SMG5: variants seen among roughly 807,000 people sequenced by gnomAD.
SMG5 encodes the protein nonsense-mediated mRNA decay factor SMG5.
In SMG5, 53 loss-of-function variants were observed where a neutral mutation model predicts 122.9. The observed-to-expected ratio is 0.43, with a 90% CI of 0.35 to 0.54. SMG5 has a LOEUF of 0.54. SMG5 is among the 20% of genes least tolerant of loss of function. The pLI is 0.01. For synonymous variants in SMG5, 477 were observed against 490.2 expected, an observed-to-expected ratio of 0.97 and a Z score of 0.35; for missense variants, 1,153 against 1,285.6, an observed-to-expected ratio of 0.90 and a Z score of 1.58.
intron 7 of SMG5, 30 bp downstream of exon 7, chr1:156,272,290 G>C: frequency 6.4e-7 from 1 of 1,565,638 alleles, no homozygotes; most frequent in Non-Finnish European, 8.7e-7. Context: ...CACAAAAGCA[G>C]GGCTGGAAAA....
At chr1:156,255,326 G>A (rs1333854433) in intron 16 of SMG5, among the ~76,000 whole-genome samples, 2 of 150,596 alleles carry the variant, frequency 1.3e-5, no homozygotes, top group Non-Finnish European at 3.0e-5. Flanking sequence ...AGATCACGAG[G>A]TCAGGAGTTC....
chr1:156,261,190 A>G, intron 14 of SMG5, 143 bp downstream of exon 14: 1 of 783,860 alleles, frequency 1.3e-6, no homozygotes, highest in Non-Finnish European at 2.2e-6. Flanking sequence ...TAGACCACAC[A>G]ATGACTGCTG....
rs116449741 is a variant in SMG5, at chr1:156,253,769, G to A, written c.2443-261C>T. The A allele has an allele frequency of 3.0e-3, 1,536 of 517,636 alleles. 19 individuals are homozygous for A. Among genetic ancestry groups the A allele is most frequent in the African/African-American group, 0.024 (1,264 of 52,242 alleles). The allele number at this position is 517,636 out of a possible 1,614,324, so 32.1% of individuals were successfully genotyped here. A position where few individuals can be genotyped will look rare whatever the true frequency, so the allele number is the denominator to read the frequency against. ...GAGGGGAAGCAGACAGCCATGTGCC[G>A]TCACCATGCAGGACATCACCTGGCT... On this transcript the variant is annotated intron_variant, in intron 16 of 21. Transcript: ENST00000361813.
rs148867528 is a variant in SMG5, at chr1:156,267,534, C to T, written c.1053G>A (p.Pro351=). The T allele has an allele frequency of 1.7e-4, 278 of 1,613,916 alleles. No homozygotes were observed. The highest frequency in any genetic ancestry group is 2.3e-4 in the Non-Finnish European group (267 of 1,180,010). ...EEYESGYAFL[P]DLLIFQMVII... is the part of the protein sequence containing the mutation. ...TGACCATTTGAAAGATGAGAAGGTC[C>T]GGGAGGAAAGCATATCCACTCTCAT... The change falls in exon 10 of 22, where the codon CCG becomes CCA. Residue 351 remains proline, a synonymous_variant. Coordinates refer to ENST00000361813, the MANE Select transcript of SMG5 (RefSeq NM_015327.3).
intron 16 of SMG5, among the ~76,000 whole-genome samples, chr1:156,254,294 G>T (rs1290899137): frequency 1.3e-5 from 2 of 152,120 alleles, no homozygotes; most frequent in Admixed American, 6.6e-5. Context: ...ACCATCTGAT[G>T]CCCATTATAG....
chr1:156,252,837 G>A (rs1348164731), intron 18 of SMG5, 82 bp downstream of exon 18: 1 of 1,397,368 alleles, frequency 7.2e-7, no homozygotes, highest in African/African-American at 1.5e-5. Flanking sequence ...ATATAAACTG[G>A]GCCCCAAATA....
rs1169158569 is a variant in SMG5, at chr1:156,261,393, A to G, written c.2047T>C (p.Trp683Arg). The change falls in exon 14 of 22, where the codon TGG becomes CGG. Residue 683 changes from tryptophan (W) to arginine (R), a missense_variant. Trp to Arg is a moderately radical substitution (Grantham distance 101). Around this residue, in one of 5 missense-constraint regions of SMG5, gnomAD observed 631 missense variants for 650.6 expected, o/e 0.97. Transcript: ENST00000361813. The part of the protein sequence containing the change: ...IVCAQSSQSL[W>R]NRLSVLLNLL... ...TTCAGCAACACAGACAGGCGGTTCCACAGACTTTGAGAGCTCTGGGGAGAG... is the reference window on the plus strand; with the variant it reads ...TTCAGCAACACAGACAGGCGGTTCCGCAGACTTTGAGAGCTCTGGGGAGAG... The G allele has an allele frequency of 6.2e-7, 1 of 1,614,016 alleles. No homozygotes were observed. The highest frequency in any genetic ancestry group is 8.5e-7 in the Non-Finnish European group (1 of 1,180,014).
chr1:156,253,516 G>A lies in SMG5; in HGVS notation c.2443-8C>T. 7 of 1,613,946 alleles carry A rather than the reference G, an allele frequency of 4.3e-6. No homozygotes were observed. Among genetic ancestry groups the A allele is most frequent in the Non-Finnish European group, 5.9e-6 (7 of 1,179,912 alleles). On this transcript the variant is annotated splice_polypyrimidine_tract_variant and splice_region_variant and intron_variant, in intron 16 of 21. Coordinates refer to ENST00000361813, the MANE Select transcript of SMG5 (RefSeq NM_015327.3). ...ACGAGCTTCCTCCTGTGCCTATGAG[G>A]GAAAAAATGAGCTGTAAGGAGTTGG...
chr1:156,274,513 T>C (rs756919143), intron 5 of SMG5, 84 bp downstream of exon 5: 21 of 1,230,848 alleles, frequency 1.7e-5, no homozygotes, highest in Admixed American at 1.4e-4. Flanking sequence ...TCTCCAACCA[T>C]GTAATGGGTG....
At chr1:156,260,427 T>C (rs773357700) in intron 15 of SMG5, 24 bp downstream of exon 15, 1 of 1,591,476 alleles carries the variant, frequency 6.3e-7, no homozygotes, top group Non-Finnish European at 8.5e-7. Context: ...AACAGAGCTG[T>C]GGCATAAGAA....
rs1261663544 is a variant in SMG5, at chr1:156,261,357, C to G, written c.2083G>C (p.Ala695Pro). 2 of 1,614,172 alleles carry G rather than the reference C, an allele frequency of 1.2e-6. No individual in the cohort carries two copies. Among genetic ancestry groups the G allele is most frequent in the Admixed American group, 3.3e-5 (2 of 60,028 alleles). The change falls in exon 14 of 22, where the codon GCT becomes CCT. Residue 695 changes from alanine to proline, a missense_variant. Coordinates refer to ENST00000361813, the MANE Select transcript of SMG5 (RefSeq NM_015327.3). Reference sequence around the variant, plus strand: ...CCAGACTCCTGGAGTTCACCAGCAGCAGGCAACAGATTCAGCAACACAGAC... The same window carrying G: ...CCAGACTCCTGGAGTTCACCAGCAGGAGGCAACAGATTCAGCAACACAGAC... ...RLSVLLNLLPAAGELQESGLA... is the reference protein window; with the variant it reads ...RLSVLLNLLPPAGELQESGLA...
At chr1:156,256,893 G>A (rs556493593) in intron 16 of SMG5, among the ~76,000 whole-genome samples, 13 of 150,136 alleles carry the variant, frequency 8.7e-5, no homozygotes, top group Non-Finnish European at 1.5e-4. Flanking sequence ...TCTTGGGAAT[G>A]TTCCTTTGTC....
chr1:156,273,218 G>A (rs920524213), intron 6 of SMG5, 143 bp downstream of exon 6: 6 of 672,536 alleles, frequency 8.9e-6, no homozygotes, highest in African/African-American at 1.8e-5. Flanking sequence ...AGAGGGAAAA[G>A]GTATAAACAA....
chr1:156,259,991 C>T (rs1055708040), intron 15 of SMG5, among the ~76,000 whole-genome samples: 2 of 152,160 alleles, frequency 1.3e-5, no homozygotes, highest in African/African-American at 4.8e-5. Context: ...CTTGACTTCC[C>T]TCTGCTGCCC....
At chr1:156,273,865 C>T (rs1662561285) in intron 5 of SMG5, among the ~76,000 whole-genome samples, 2 of 151,814 alleles carry the variant, frequency 1.3e-5, no homozygotes, top group South Asian at 4.1e-4. Flanking sequence ...TGAATAGGCT[C>T]TTCTTGGTAA....
Position 156,266,789 on chromosome 1 carries a change from T to C in SMG5, c.1118-111A>G, listed in dbSNP as rs967173151. 4 of 1,182,858 alleles carry C rather than the reference T, an allele frequency of 3.4e-6. No homozygotes were observed. The African/African-American group carries it at 4.7e-5, about 14-fold the overall frequency. The allele number at this position is 1,182,858 out of a possible 1,614,324, so 73.3% of individuals were successfully genotyped here. A position where few individuals can be genotyped will look rare whatever the true frequency, so the allele number is the denominator to read the frequency against. On this transcript the variant is annotated intron_variant, in intron 10 of 21. Coordinates refer to ENST00000361813, the MANE Select transcript of SMG5 (RefSeq NM_015327.3). ...TCAACTCTTCCAAGGATCCAACTAC[T>C]TATCAAAGATTCTTTTTTTTTTTTT...
chr1:156,287,976 AG>A, the SMG5 span, among the ~76,000 whole-genome samples: 1 of 151,372 alleles, frequency 6.6e-6, no homozygotes, highest in Non-Finnish European at 1.5e-5. Flanking sequence ...GTACTTTGGG[AG>A]GCGGAGGCGG....
chr1:156,279,102 A>C (rs1662818453), intron 1 of SMG5, 68 bp from the exon 2 acceptor site: 1 of 1,329,382 alleles, frequency 7.5e-7, no homozygotes, highest in East Asian at 2.3e-5. Flanking sequence ...ACGCTGGGAC[A>C]CGATTCTAGA....
In SMG5 at chr1:156,279,033, C is replaced by G; in HGVS notation, c.76G>C (p.Ala26Pro). 6.2e-7 allele frequency: 1 copy of G among 1,613,864 alleles called. No homozygotes were observed. Among genetic ancestry groups the G allele is most frequent in the African/African-American group, 1.3e-5 (1 of 75,022 alleles). ...AGTCGATGCACAGCCTCCACCACAG[C>G]CCTGTAGGGAAATACAGGCAAATAT... ...KVLHTKRLYR[A>P]VVEAVHRLDL... The change falls in exon 2 of 22, where the codon GCT becomes CCT. Residue 26 changes from alanine to proline, a missense_variant and splice_region_variant. Ala to Pro is a conservative substitution (Grantham distance 27). This residue lies in a region of SMG5 where 213 missense variants were observed against 197.5 expected (regional missense o/e 1.08). Transcript: ENST00000361813.
Sources: gnomAD v4.1 joint callset for allele counts (sites outside exome capture counted in the v4.1 genomes callset) on GRCh38, gnomAD v4.1.1 for gene constraint, gnomAD v4.1.1 regional missense constraint, MANE v1.5 for transcripts, NCBI Gene and HGNC (gene_info 2026-07-23, HGNC 2026-07-21) for gene names.